Variants in DOK7 observed in about 807,000 individuals in gnomAD.
DOK7 encodes the protein protein Dok-7.
Under a neutral mutation model 30.7 loss-of-function variants are expected in DOK7, and 32 were observed. That is an observed-to-expected ratio of 1.04 (90% CI 0.79 to 1.40). The LOEUF is 1.40. Among genes scored for constraint, DOK7 ranks in the 40% most tolerant of loss-of-function variants. DOK7 has a pLI of 0.00. For synonymous variants in DOK7, 447 were observed against 324.1 expected (o/e 1.38, Z -4.07); for missense variants, 1,007 against 699.2 (o/e 1.44, Z -4.97).
exon 8 of DOK7, chr4:3,500,884 G>C (rs1018819567): frequency 1.9e-5 from 28 of 1,471,800 alleles, no homozygotes; most frequent in Non-Finnish European, 2.5e-5. Context: ...CGTGGCCCCC[G>C]GCAGGCCAGC....
chr4:3,485,780 T>C (rs1337248416), intron 5 of DOK7, 122 bp downstream of exon 5: 1 of 1,330,672 alleles, frequency 7.5e-7, no homozygotes, highest in South Asian at 1.9e-5. Flanking sequence ...CACCCCCAGC[T>C]AAGGAACCAG....
intron 4 of DOK7, among the ~76,000 whole-genome samples, chr4:3,481,607 A>G (rs955014122): frequency 6.6e-6 from 1 of 151,962 alleles, no homozygotes; most frequent in Non-Finnish European, 1.5e-5. Context: ...GGGGATGGAG[A>G]GGGCTGAGGG....
intron 2 of DOK7, among the ~76,000 whole-genome samples, chr4:3,469,619 G>C (rs530777047): frequency 6.6e-6 from 1 of 152,104 alleles, no homozygotes; most frequent in African/African-American, 2.4e-5. Context: ...CCACTCCTGA[G>C]TCCCCCAGAC....
chr4:3,468,637 CCT>C (rs1726498358), intron 2 of DOK7, among the ~76,000 whole-genome samples: 1 of 127,794 alleles, frequency 7.8e-6, no homozygotes. Flanking sequence ...TGTGTATATG[CCT>C]GTGTGTGTGC....
At chr4:3,484,482 G>A (rs569263972) in intron 4 of DOK7, 5 of 985,214 alleles carry the variant, frequency 5.1e-6, no homozygotes, top group South Asian at 9.4e-5. Flanking sequence ...CGGAGCGGGC[G>A]GGATTCCTGT....
At position 3,463,331 on chromosome 4, in the gene DOK7, C is replaced by T. The variant is rs762348331; in HGVS notation, c.-45C>T. 153 of 1,426,002 alleles carry T rather than the reference C, an allele frequency of 1.1e-4. 1 individual carries two copies. The South Asian group carries it at 2.3e-3, about 21-fold the overall frequency. The allele number at this position is 1,426,002 out of a possible 1,614,324, so 88.3% of individuals were successfully genotyped here. A position where few individuals can be genotyped will look rare whatever the true frequency, so the allele number is the denominator to read the frequency against. On this transcript the variant is annotated 5_prime_UTR_variant, in exon 1 of 7. Transcript: ENST00000340083. ...GAGCTATTTTGAAAGTGACCCTGGG[C>T]TGGGGCGCCGGGGCGAGCGCGGCGG...
chr4:3,478,964 C>T (rs1727282091), intron 4 of DOK7, among the ~76,000 whole-genome samples: 1 of 152,128 alleles, frequency 6.6e-6, no homozygotes, highest in Non-Finnish European at 1.5e-5. Flanking sequence ...CGGGAGGGAG[C>T]CGGCAACTCG....
chr4:3,465,750 T>G (rs1726226381), intron 2 of DOK7, among the ~76,000 whole-genome samples: 1 of 152,210 alleles, frequency 6.6e-6, no homozygotes, highest in African/African-American at 2.4e-5. Context: ...TGCCCTGCAG[T>G]GGGACCACGT....
At chr4:3,484,256 G>A (rs569395147) in intron 4 of DOK7, among the ~76,000 whole-genome samples, 5 of 152,374 alleles carry the variant, frequency 3.3e-5, no homozygotes, top group East Asian at 1.9e-4. Flanking sequence ...TCGTGTGCCC[G>A]GGGTGGCTGC....
chr4:3,468,460 G>A (rs1419336043), intron 2 of DOK7, among the ~76,000 whole-genome samples: 1 of 151,914 alleles, frequency 6.6e-6, no homozygotes, highest in African/African-American at 2.4e-5. Context: ...GCCTGTGTGT[G>A]CATGTATGTG....
chr4:3,491,287 G>GC (rs1223159261), intron 6 of DOK7, among the ~76,000 whole-genome samples: 21 of 60,540 alleles, frequency 3.5e-4, no homozygotes, highest in East Asian at 1.5e-3. Flanking sequence ...TCCTTCCTCC[G>GC]CCCCCCCGCT....
chr4:3,493,604 T>C lies in DOK7; in HGVS notation c.*103T>C. 6.5e-7 allele frequency: 1 copy of C among 1,527,388 alleles called. No homozygotes were observed. The highest frequency in any genetic ancestry group is 1.4e-5 in the African/African-American group (1 of 72,280). 94.6% of individuals were successfully genotyped at this position (1,527,388 alleles called of 1,614,324 possible). A position where few individuals can be genotyped will look rare whatever the true frequency, so the allele number is the denominator to read the frequency against. On this transcript the variant is annotated 3_prime_UTR_variant, in exon 7 of 7. Coordinates refer to ENST00000340083, the MANE Select transcript of DOK7 (RefSeq NM_173660.5). Reference sequence around the variant, plus strand: ...TTGCAGACTGGTGCTCTGTGTTCTGTGGGAGGGACCGGGGGTCTCCCGGAG... The same window carrying C: ...TTGCAGACTGGTGCTCTGTGTTCTGCGGGAGGGACCGGGGGTCTCCCGGAG...
At chr4:3,477,800 C>G (rs1176079849) in intron 4 of DOK7, among the ~76,000 whole-genome samples, 2 of 138,700 alleles carry the variant, frequency 1.4e-5, no homozygotes, top group Non-Finnish European at 3.1e-5. Flanking sequence ...TGGGCAGGGC[C>G]GCTGCCTATG....
chr4:3,490,686 T>G (rs796113360), intron 6 of DOK7, among the ~76,000 whole-genome samples: 1 of 39,866 alleles, frequency 2.5e-5, no homozygotes, highest in African/African-American at 6.7e-5. Flanking sequence ...CCCGCATTCC[T>G]TCCTTCCTTC....
chr4:3,485,268 C>T (rs1389057671), intron 4 of DOK7: 7 of 390,448 alleles, frequency 1.8e-5, no homozygotes, highest in Middle Eastern at 6.7e-4. Context: ...CTCACCCCAG[C>T]GCCCAAGTTT....
At position 3,470,899 on chromosome 4, in the gene DOK7, T is replaced by G. The variant is rs142738306; in HGVS notation, c.101-2507T>G. ...GCTGGTTGGGGGCAATGGAAGGAAC[T>G]GGTTGTTATCAGGTGCCGGAGCTGT... On this transcript the variant is annotated intron_variant, in intron 2 of 6. Transcript: ENST00000340083. 8.7e-4 allele frequency among the ~76,000 whole-genome samples: 132 copies of G among 152,306 alleles called. 1 individual carries two copies. Among genetic ancestry groups the G allele is most frequent in the Admixed American group, 2.2e-3 (34 of 15,298 alleles).
intron 6 of DOK7, 46 bp downstream of exon 6, chr4:3,489,842 C>T: frequency 6.4e-7 from 1 of 1,554,642 alleles, no homozygotes; most frequent in Non-Finnish European, 8.7e-7. Context: ...GGCTAAGCCT[C>T]CAGCAGGAGA....
chr4:3,474,894 A>G (rs1294609775), intron 3 of DOK7, among the ~76,000 whole-genome samples: 1 of 152,198 alleles, frequency 6.6e-6, no homozygotes, highest in Admixed American at 6.5e-5. Context: ...CCTGGGCGAC[A>G]GAGTGAGACC....
intron 5 of DOK7, among the ~76,000 whole-genome samples, chr4:3,486,722 AGTGGAT>A (rs1727821319): frequency 6.6e-6 from 1 of 151,608 alleles, no homozygotes; most frequent in Admixed American, 6.6e-5. Context: ...CTTCCTGCCT[AGTGGAT>A]GCACCCCTGC....
Sources: allele counts gnomAD v4.1 joint callset (sites outside exome capture counted in the v4.1 genomes callset), GRCh38; gene constraint gnomAD v4.1.1; transcripts MANE v1.5; gene names NCBI Gene and HGNC (gene_info 2026-07-23, HGNC 2026-07-21).